The following RREB1 variants were observed in gnomAD, a reference collection of about 807,000 sequenced individuals.
RREB1 encodes ras responsive element binding protein 1.
Under a neutral mutation model 117.8 loss-of-function variants are expected in RREB1, and 27 were observed. The observed-to-expected ratio is 0.23, with a 90% CI of 0.17 to 0.32. The LOEUF is 0.32. RREB1 is among the 10% of genes least tolerant of loss of function. The pLI is 1.00. For synonymous variants in RREB1, 1,298 were observed against 1,026.7 expected, an observed-to-expected ratio of 1.26 and a Z score of -5.05; for missense variants, 2,577 against 2,378.2, an observed-to-expected ratio of 1.08 and a Z score of -1.74.
At chr6:7,164,609 A>G (rs1178673584) in intron 1 of RREB1, among the ~76,000 whole-genome samples, 1 of 152,166 alleles carries the variant, frequency 6.6e-6, no homozygotes, top group Non-Finnish European at 1.5e-5. Flanking sequence ...CAGTCTCACA[A>G]CCCTCTTGAT....
intron 1 of RREB1, among the ~76,000 whole-genome samples, chr6:7,114,470 G>GGT (rs1009878179): frequency 5.0e-5 from 2 of 39,876 alleles, no homozygotes; most frequent in Non-Finnish European, 2.0e-4. Context: ...GTTTCTGGTG[G>GGT]GGGGGGGGGC....
At chr6:7,208,466 C>T (rs777710662) in intron 6 of RREB1, among the ~76,000 whole-genome samples, 6 of 152,170 alleles carry the variant, frequency 3.9e-5, no homozygotes, top group Admixed American at 6.5e-5. Flanking sequence ...GCTCATCAAG[C>T]GGCTGGAAGG....
At chr6:7,161,322 T>C (rs1316710175) in intron 1 of RREB1, among the ~76,000 whole-genome samples, 3 of 152,160 alleles carry the variant, frequency 2.0e-5, no homozygotes, top group African/African-American at 7.2e-5. Flanking sequence ...TACTTTGAGA[T>C]CCACTAACTC....
chr6:7,167,056 C>T (rs1305624999), intron 1 of RREB1, among the ~76,000 whole-genome samples: 2 of 152,180 alleles, frequency 1.3e-5, no homozygotes, highest in Non-Finnish European at 2.9e-5. Context: ...ATGGTGTCAG[C>T]CATGCTGTAT....
rs1308415538 is a variant in RREB1, at chr6:7,230,899, C to G, written c.2800C>G (p.Pro934Ala). The G allele has an allele frequency of 1.2e-6, 2 of 1,614,180 alleles. No homozygotes were observed. Among genetic ancestry groups the G allele is most frequent in the Non-Finnish European group, 1.7e-6 (2 of 1,180,006 alleles). Residue 934 changes from proline to alanine, a missense_variant, in exon 10 of 13, where the codon CCC (proline) becomes GCC (alanine). By Grantham distance (27) the Pro-to-Ala change is conservative (BLOSUM62 -1). Transcript: ENST00000379938. Reference protein sequence around the residue: ...SLVPYDCSMEPIDLSIPKNFR... With the variant: ...SLVPYDCSMEAIDLSIPKNFR... ...GGTCCCCTATGACTGCTCCATGGAG[C>G]CCATCGACCTGTCCATCCCCAAGAA...
intron 12 of RREB1, among the ~76,000 whole-genome samples, chr6:7,248,148 A>T (rs541152520): frequency 9.2e-5 from 14 of 152,324 alleles, no homozygotes; most frequent in African/African-American, 3.1e-4. Context: ...GCTGCTGTCC[A>T]TACAGATCCC....
chr6:7,185,561 C>T (rs1765042636), intron 4 of RREB1, among the ~76,000 whole-genome samples: 1 of 151,428 alleles, frequency 6.6e-6, no homozygotes, highest in South Asian at 2.1e-4. Flanking sequence ...CAGAGTGAGA[C>T]TCCATTTAAA....
intron 2 of RREB1, among the ~76,000 whole-genome samples, chr6:7,180,110 T>G (rs1445507456): frequency 6.6e-6 from 1 of 152,236 alleles, no homozygotes; most frequent in Non-Finnish European, 1.5e-5. Flanking sequence ...AGTCTCAAAT[T>G]GTATGTTTCT....
rs139625876 is a variant in RREB1, at chr6:7,230,789, A to T, written c.2690A>T (p.Asn897Ile). 3 of 1,613,782 alleles carry T rather than the reference A, an allele frequency of 1.9e-6. No homozygotes were observed. The highest frequency in any genetic ancestry group is 2.5e-6 in the Non-Finnish European group (3 of 1,179,794). The change falls in exon 10 of 13, where the codon AAT (asparagine) becomes ATT (isoleucine). Residue 897 changes from asparagine (N) to isoleucine (I), a missense_variant. Coordinates refer to ENST00000379938, the MANE Select transcript of RREB1 (RefSeq NM_001003699.4). ...GCCAGTAGCTTTGCGGTGGACTTCA[A>T]TGAGCCCCTGGACTTCTCGCAGAAG... ...EPASSFAVDF[N>I]EPLDFSQKGL...
intron 6 of RREB1, among the ~76,000 whole-genome samples, chr6:7,206,397 CTG>C (rs1376861432): frequency 6.6e-6 from 1 of 152,228 alleles, no homozygotes; most frequent in Non-Finnish European, 1.5e-5. Flanking sequence ...TAGTAATACT[CTG>C]AGTGAAGCAA....
At chr6:7,220,093 G>A (rs1767154742) in intron 8 of RREB1, among the ~76,000 whole-genome samples, 1 of 152,186 alleles carries the variant, frequency 6.6e-6, no homozygotes, top group South Asian at 2.1e-4. Context: ...CCTCCACAGT[G>A]GAGCAGCCCC....
Position 7,251,441 on chromosome 6 carries a change from T to C in RREB1, c.*2473T>C, listed in dbSNP as rs939003018. ...CTCTCAGGGCTTTTACAAAAAAATA[T>C]ATATATATGGATCTTCTGAAAAGTT... is the stretch of plus-strand genomic sequence containing the variant. On this transcript the variant is annotated 3_prime_UTR_variant, in exon 13 of 13. Transcript: ENST00000379938. The C allele has an allele frequency of 6.6e-6, 1 of 151,820 alleles. No homozygotes were observed. The highest frequency in any genetic ancestry group is 2.4e-5 in the African/African-American group (1 of 41,346). The allele number at this position is 151,820 out of a possible 1,614,324, so 9.4% of individuals were successfully genotyped here. A position where few individuals can be genotyped will look rare whatever the true frequency, so the allele number is the denominator to read the frequency against.
chr6:7,229,680 C>T lies in RREB1; in HGVS notation c.1581C>T (p.Leu527=). The T allele has an allele frequency of 6.2e-7, 1 of 1,611,650 alleles. No individual in the cohort carries two copies. Among genetic ancestry groups the T allele is most frequent in the Non-Finnish European group, 8.5e-7 (1 of 1,179,066 alleles). ...TGGCCACCTCCACGCCCCCGCCTCT[C>T]ATCAACGCCCAGCAGGCTTCCCCGG... is the stretch of plus-strand genomic sequence containing the variant. ...TVVATSTPPP[L]INAQQASPGC... The change falls in exon 10 of 13, where the codon CTC becomes CTT. Residue 527 remains leucine (L), a synonymous_variant. Coordinates refer to ENST00000379938, the MANE Select transcript of RREB1 (RefSeq NM_001003699.4). This position sits in a 1 kb window ranked among gnomAD's most constrained non-coding sequence, Gnocchi z 4.5.
chr6:7,234,481 C>A (rs1440398687), intron 10 of RREB1, among the ~76,000 whole-genome samples: 1 of 152,148 alleles, frequency 6.6e-6, no homozygotes, highest in African/African-American at 2.4e-5. Context: ...ATTTGTGAAT[C>A]CAGTCATGAT....
chr6:7,192,020 T>C (rs538600054), intron 6 of RREB1, among the ~76,000 whole-genome samples: 30 of 152,170 alleles, frequency 2.0e-4, no homozygotes, highest in Non-Finnish European at 3.1e-4. Context: ...TGTGGGTTTT[T>C]TAAATAAATG....
chr6:7,212,547 C>T (rs1440221302), intron 8 of RREB1: 1 of 152,120 alleles, frequency 6.6e-6, no homozygotes, highest in South Asian at 2.1e-4. Context: ...TTGGAAAGAA[C>T]AAAGAACTAC....
chr6:7,219,385 G>A (rs1310448336), intron 8 of RREB1, among the ~76,000 whole-genome samples: 1 of 152,188 alleles, frequency 6.6e-6, no homozygotes, highest in East Asian at 1.9e-4. Context: ...AGGATTGAAA[G>A]GACAAAACCC....
chr6:7,211,243 G>A (rs1458532817), intron 7 of RREB1, among the ~76,000 whole-genome samples: 1 of 141,020 alleles, frequency 7.1e-6, no homozygotes, highest in Admixed American at 7.7e-5. Context: ...GGACTCTTTT[G>A]TCCTCACTTT....
intron 1 of RREB1, chr6:7,108,547 C>T (rs976515178): frequency 1.3e-5 from 2 of 152,410 alleles, no homozygotes; most frequent in South Asian, 2.1e-4. Context: ...CGGCCAGAAA[C>T]ATCTTCCCAG....
Sources: gnomAD v4.1 joint callset for allele counts (sites outside exome capture counted in the v4.1 genomes callset) on GRCh38, gnomAD v4.1.1 for gene constraint, Gnocchi (gnomAD v3.1) non-coding constraint, MANE v1.5 for transcripts, NCBI Gene and HGNC (gene_info 2026-07-23, HGNC 2026-07-21) for gene names.